Variants in MSRA observed in about 807,000 individuals in gnomAD.
The protein encoded by MSRA is mitochondrial peptide methionine sulfoxide reductase.
Under a neutral mutation model 31.3 loss-of-function variants are expected in MSRA, and 54 were observed. The observed-to-expected ratio is 1.73, with a 90% CI of 1.39 to 2.17. The LOEUF (loss-of-function observed/expected upper bound fraction) is 2.17, where lower values mean the gene tolerates loss of function less well. MSRA is among the 30% of genes most tolerant of loss of function. The probability of loss-of-function intolerance (pLI) is 0.00; values close to 1 mark genes in which losing one functional copy is unlikely to be tolerated. For synonymous variants in MSRA, 169 were observed against 116.5 expected (o/e 1.45, Z -2.90); for missense variants, 507 against 300.9 (o/e 1.69, Z -5.07).
At chr8:10,106,904 A>G (rs1283616922) in intron 1 of MSRA, among the ~76,000 whole-genome samples, 2 of 149,050 alleles carry the variant, frequency 1.3e-5, no homozygotes, top group African/African-American at 5.0e-5. Flanking sequence ...CTACCCCTCT[A>G]CCCACCTACC....
intron 1 of MSRA, among the ~76,000 whole-genome samples, chr8:10,065,839 C>A (rs1432968691): frequency 1.3e-5 from 2 of 152,016 alleles, no homozygotes; most frequent in Non-Finnish European, 2.9e-5. Context: ...ACACAGTCGC[C>A]CTGCTATCAG....
intron 5 of MSRA, among the ~76,000 whole-genome samples, chr8:10,353,033 C>A (rs1324912310): frequency 6.6e-6 from 1 of 152,022 alleles, no homozygotes; most frequent in East Asian, 1.9e-4. Flanking sequence ...TGCCTGATAC[C>A]ATCTTCGTTT....
At chr8:10,235,116 A>G (rs915527932) in intron 2 of MSRA, among the ~76,000 whole-genome samples, 1 of 151,724 alleles carries the variant, frequency 6.6e-6, no homozygotes, top group Admixed American at 6.6e-5. Flanking sequence ...CATAGAGAGA[A>G]ATTTTATGCT....
chr8:10,278,556 G>A (rs945602876), intron 3 of MSRA, among the ~76,000 whole-genome samples: 1 of 152,356 alleles, frequency 6.6e-6, no homozygotes, highest in Non-Finnish European at 1.5e-5. Context: ...AGCACATGGA[G>A]TGGGCACACC....
intron 3 of MSRA, among the ~76,000 whole-genome samples, chr8:10,289,812 C>G (rs560589754): frequency 2.0e-5 from 3 of 152,102 alleles, no homozygotes; most frequent in Non-Finnish European, 4.4e-5. Context: ...CTTGGAGAGC[C>G]GTCCATGTTG....
In MSRA at chr8:10,207,809, G is replaced by A. The variant is rs1293400219; in HGVS notation, c.143-24G>A. On this transcript the variant is annotated intron_variant, in intron 1 of 5. Transcript: ENST00000317173. ...GTGTTAGAACTTTACACTTAAACTT[G>A]CATTTCTTTTTTTTTTTTTCTAGCC... is the stretch of plus-strand genomic sequence containing the variant. 1.9e-6 allele frequency: 3 copies of A among 1,574,216 alleles called. No homozygotes were observed. In the Admixed American group the frequency reaches 5.2e-5, roughly 27 times the overall value.
At chr8:10,404,454 C>G (rs1031695805) in intron 5 of MSRA, among the ~76,000 whole-genome samples, 1 of 152,254 alleles carries the variant, frequency 6.6e-6, no homozygotes, top group African/African-American at 2.4e-5. Flanking sequence ...ATCCATCACG[C>G]CCGCCCACGT....
intron 5 of MSRA, among the ~76,000 whole-genome samples, chr8:10,369,774 C>G (rs546854509): frequency 6.6e-6 from 1 of 152,010 alleles, no homozygotes; most frequent in Non-Finnish European, 1.5e-5. Context: ...GCCAGTTAAT[C>G]CAAAAAATAC....
At chr8:10,129,235 TTC>T (rs2129023287) in intron 1 of MSRA, among the ~76,000 whole-genome samples, 1 of 152,278 alleles carries the variant, frequency 6.6e-6, no homozygotes, top group Admixed American at 6.5e-5. Context: ...ATGATTGGTA[TTC>T]TGCATGACTA....
chr8:10,240,118 A>G (rs945130435), intron 2 of MSRA, among the ~76,000 whole-genome samples: 22 of 152,216 alleles, frequency 1.4e-4, no homozygotes, highest in Admixed American at 1.2e-3. Flanking sequence ...AAGGCAGGAA[A>G]GTCAAACACG....
chr8:10,294,169 C>G (rs1422013568), intron 3 of MSRA, among the ~76,000 whole-genome samples: 1 of 152,088 alleles, frequency 6.6e-6, no homozygotes, highest in Non-Finnish European at 1.5e-5. Flanking sequence ...CCACTGCACT[C>G]CAGCCTGGGC....
At chr8:10,221,004 C>T (rs181266591) in intron 2 of MSRA, among the ~76,000 whole-genome samples, 6 of 152,240 alleles carry the variant, frequency 3.9e-5, no homozygotes, top group African/African-American at 4.8e-5. Flanking sequence ...TTGTGCCTGG[C>T]GGGTGTGTCT....
At chr8:10,061,224 T>G (rs1300028651) in intron 1 of MSRA, among the ~76,000 whole-genome samples, 2 of 152,214 alleles carry the variant, frequency 1.3e-5, no homozygotes, top group African/African-American at 4.8e-5. Flanking sequence ...TCTGCCTCTG[T>G]ATTGCTCACA....
chr8:10,367,536 A>G (rs1805237697), intron 5 of MSRA, among the ~76,000 whole-genome samples: 1 of 152,174 alleles, frequency 6.6e-6, no homozygotes, highest in Non-Finnish European at 1.5e-5. Flanking sequence ...TGTGCTAGTC[A>G]CTGTACAAGG....
intron 3 of MSRA, among the ~76,000 whole-genome samples, chr8:10,283,763 A>G (rs1185913899): frequency 7.2e-6 from 1 of 139,810 alleles, no homozygotes; most frequent in East Asian, 2.2e-4. Context: ...TGTGAATGCC[A>G]TTAATTGATT....
chr8:10,300,254 T>A (rs1471154663), intron 3 of MSRA, among the ~76,000 whole-genome samples: 1 of 152,028 alleles, frequency 6.6e-6, no homozygotes, highest in Admixed American at 6.5e-5. Flanking sequence ...TTTTCTTTTT[T>A]CTTTCTTTTT....
intron 4 of MSRA, among the ~76,000 whole-genome samples, chr8:10,306,560 G>A (rs1801150822): frequency 6.6e-6 from 1 of 151,818 alleles, no homozygotes; most frequent in Non-Finnish European, 1.5e-5. Context: ...TTGTCTTCTG[G>A]GACCTTGCTG....
At chr8:10,309,311 G>A (rs1256355969) in intron 4 of MSRA, among the ~76,000 whole-genome samples, 2 of 152,266 alleles carry the variant, frequency 1.3e-5, no homozygotes, top group African/African-American at 2.4e-5. Context: ...GGGCGCACAC[G>A]GGCGCGGAGC....
At chr8:10,078,516 G>A (rs1180086242) in intron 1 of MSRA, among the ~76,000 whole-genome samples, 2 of 152,230 alleles carry the variant, frequency 1.3e-5, no homozygotes, top group African/African-American at 4.8e-5. Flanking sequence ...TGGGTCATCT[G>A]ACCCTTTCTG....
Sources: allele counts gnomAD v4.1 joint callset (sites outside exome capture counted in the v4.1 genomes callset), GRCh38; gene constraint gnomAD v4.1.1; transcripts MANE v1.5; gene names NCBI Gene and HGNC (gene_info 2026-07-23, HGNC 2026-07-21).